Variants in IGF1R observed in about 807,000 individuals in gnomAD.
IGF1R encodes the protein insulin like growth factor 1 receptor, also known as insulin-like growth factor 1 receptor.
Under a neutral mutation model 144.6 loss-of-function variants are expected in IGF1R, and 44 were observed. The ratio of observed to expected loss-of-function variants is 0.30; its 90% CI spans 0.24 to 0.39. IGF1R has a LOEUF of 0.39. Among genes scored for constraint, IGF1R ranks in the 10% least tolerant of loss-of-function variants. The probability of loss-of-function intolerance (pLI) is 1.00; values close to 1 mark genes in which losing one functional copy is unlikely to be tolerated. For synonymous variants in IGF1R, 795 were observed against 722.8 expected (o/e 1.10, Z -1.60); for missense variants, 1,355 against 1,833.7 (o/e 0.74, Z 4.77).
intron 3 of IGF1R, among the ~76,000 whole-genome samples, chr15:98,895,505 C>A (rs958522947): frequency 6.6e-6 from 1 of 152,012 alleles, no homozygotes. Flanking sequence ...GAAGCCTCTA[C>A]CCAGGCTGGA....
At position 98,694,214 on chromosome 15, in the gene IGF1R, G is replaced by A. The variant is rs184761936; in HGVS notation, c.95-13348G>A. On this transcript the variant is annotated intron_variant, in intron 1 of 20. Transcript: ENST00000650285. Reference sequence around the variant, plus strand: ...ACTTTTAAGCAAATTAACAGAGTTCGTGCTGAAGCGCAAGGGTGCAGGGAA... The same window carrying A: ...ACTTTTAAGCAAATTAACAGAGTTCATGCTGAAGCGCAAGGGTGCAGGGAA... Among the ~76,000 whole-genome samples, 5 of 152,182 alleles carry A rather than the reference G, an allele frequency of 3.3e-5. No homozygotes were observed. The East Asian group carries it at 5.8e-4, about 18-fold the overall frequency.
chr15:98,790,996 TC>T (rs1303724631), intron 2 of IGF1R, among the ~76,000 whole-genome samples: 3 of 152,228 alleles, frequency 2.0e-5, no homozygotes, highest in African/African-American at 7.2e-5. Flanking sequence ...CTGTAGTTGT[TC>T]ACAAAGTAAA....
At position 98,658,009 on chromosome 15, in the gene IGF1R, G is replaced by T. The variant is rs553450331; in HGVS notation, c.94+8334G>T. ...ACCATTCCCTTAGTCTGATGGACTT[G>T]CCAGCTCCAAATACTCAGAACGTGC... is the stretch of plus-strand genomic sequence containing the variant. On this transcript the variant is annotated intron_variant, in intron 1 of 20. Transcript: ENST00000650285. 5.5e-4 allele frequency among the ~76,000 whole-genome samples: 84 copies of T among 152,258 alleles called. No individual in the cohort carries two copies. In the South Asian group the frequency reaches 0.015, roughly 28 times the overall value.
chr15:98,895,381 C>T (rs1385516236), intron 3 of IGF1R, among the ~76,000 whole-genome samples: 2 of 151,524 alleles, frequency 1.3e-5, no homozygotes, highest in African/African-American at 2.4e-5. Flanking sequence ...ATCTTTGCAG[C>T]TTTTTGTGAC....
rs1219201738 is a variant in IGF1R, at chr15:98,961,984, G to C, written c.*4542G>C. The stretch of plus-strand genomic sequence containing the variant: ...GCTCGGTGCACATTGGGGTGCTTTG[G>C]GATAAAAGATTTATGAGCCAACTAT... On this transcript the variant is annotated 3_prime_UTR_variant, in exon 21 of 21. Transcript: ENST00000650285. 4.3e-6 allele frequency: 1 copy of C among 233,190 alleles called. No individual in the cohort carries two copies. The highest frequency in any genetic ancestry group is 8.5e-6 in the Non-Finnish European group (1 of 118,070). The allele number at this position is 233,190 out of a possible 1,614,324, so 14.4% of individuals were successfully genotyped here.
intron 2 of IGF1R, among the ~76,000 whole-genome samples, chr15:98,709,395 G>A (rs2053940960): frequency 6.6e-6 from 1 of 152,264 alleles, no homozygotes; most frequent in South Asian, 2.1e-4. Context: ...ATTGATTAGT[G>A]AGGGCAGGGG....
chr15:98,719,318 T>A (rs2054193212), intron 2 of IGF1R, among the ~76,000 whole-genome samples: 1 of 152,008 alleles, frequency 6.6e-6, no homozygotes, highest in Admixed American at 6.5e-5. Flanking sequence ...ATCCGTTGGG[T>A]CTCCTGCCCT....
chr15:98,954,852 C>T (rs1312053891), intron 20 of IGF1R, among the ~76,000 whole-genome samples: 1 of 152,164 alleles, frequency 6.6e-6, no homozygotes, highest in African/African-American at 2.4e-5. Context: ...CATCAAGCTG[C>T]CAGCTTTTAT....
At chr15:98,732,674 G>A (rs914329333) in intron 2 of IGF1R, among the ~76,000 whole-genome samples, 2 of 152,220 alleles carry the variant, frequency 1.3e-5, no homozygotes, top group African/African-American at 4.8e-5. Context: ...ACTGGAGACT[G>A]ACTGGAGAAG....
chr15:98,908,594 G>T (rs1044999539), intron 5 of IGF1R, 91 bp from the exon 6 acceptor site: 6 of 839,742 alleles, frequency 7.1e-6, no homozygotes, highest in Non-Finnish European at 1.2e-5. Context: ...TGTGGAGCAG[G>T]TGGCAAAGAG....
At chr15:98,659,372 A>G (rs944944307) in intron 1 of IGF1R, among the ~76,000 whole-genome samples, 5 of 151,902 alleles carry the variant, frequency 3.3e-5, no homozygotes, top group Non-Finnish European at 7.4e-5. Context: ...TCCAGTGTGC[A>G]CTTTGCCCAT....
chr15:98,679,269 A>G (rs2053127509), intron 1 of IGF1R, among the ~76,000 whole-genome samples: 1 of 152,196 alleles, frequency 6.6e-6, no homozygotes, highest in African/African-American at 2.4e-5. Context: ...TAAAAATTAT[A>G]GCTCAGTTGT....
intron 10 of IGF1R, 36 bp from the exon 11 acceptor site, chr15:98,922,112 A>C (rs1167742753): frequency 1.2e-6 from 2 of 1,612,618 alleles, no homozygotes; most frequent in Non-Finnish European, 1.7e-6. Flanking sequence ...AAAGAGGTAA[A>C]AGTACTTAAA....
At chr15:98,881,729 C>T (rs1476660830) in intron 2 of IGF1R, among the ~76,000 whole-genome samples, 2 of 152,132 alleles carry the variant, frequency 1.3e-5, no homozygotes, top group Non-Finnish European at 2.9e-5. Context: ...GTTCCAAGCC[C>T]AGGTTTGCAG....
At position 98,891,735 on chromosome 15, in the gene IGF1R, G is replaced by T; in HGVS notation, c.953+98G>T. 7 of 1,248,572 alleles carry T rather than the reference G, an allele frequency of 5.6e-6. No individual in the cohort carries two copies. The highest frequency in any genetic ancestry group is 1.3e-5 in the South Asian group (1 of 77,690). 77.3% of individuals were successfully genotyped at this position (1,248,572 alleles called of 1,614,324 possible). On this transcript the variant is annotated intron_variant, in intron 3 of 20. Coordinates refer to ENST00000650285, the MANE Select transcript of IGF1R (RefSeq NM_000875.5). This position sits in a 1 kb window ranked among gnomAD's most constrained non-coding sequence, Gnocchi z 4.7. ...CTGTCGGTTGTTTCATCCGGGTGCA[G>T]CCCTCAGGAAGTTCACTGAGGTGGG...
At chr15:98,943,145 A>C in intron 19 of IGF1R, 93 bp downstream of exon 19, 2 of 1,442,286 alleles carry the variant, frequency 1.4e-6, no homozygotes, top group Non-Finnish European at 1.9e-6. Context: ...TTCTCTGTTC[A>C]TTGTTACCCG....
chr15:98,749,209 T>G (rs2054944322), intron 2 of IGF1R, among the ~76,000 whole-genome samples: 1 of 151,772 alleles, frequency 6.6e-6, no homozygotes, highest in Admixed American at 6.6e-5. Context: ...ATTACGTAAA[T>G]ACCCTTTAAT....
At chr15:98,812,816 A>G (rs1417318692) in intron 2 of IGF1R, among the ~76,000 whole-genome samples, 1 of 152,094 alleles carries the variant, frequency 6.6e-6, no homozygotes, top group Non-Finnish European at 1.5e-5. Flanking sequence ...TGCTTGGGGC[A>G]TTGTCCTTGG....
chr15:98,916,182 G>T, intron 9 of IGF1R, 51 bp downstream of exon 9: 1 of 1,571,326 alleles, frequency 6.4e-7, no homozygotes, highest in Non-Finnish European at 8.8e-7. Context: ...TCATTCCTGT[G>T]GTTGTAATGT....
Sources: gnomAD v4.1 joint callset for allele counts (sites outside exome capture counted in the v4.1 genomes callset) on GRCh38, gnomAD v4.1.1 for gene constraint, Gnocchi (gnomAD v3.1) non-coding constraint, MANE v1.5 for transcripts, NCBI Gene and HGNC (gene_info 2026-07-23, HGNC 2026-07-21) for gene names.